Variants in EDA observed in about 807,000 individuals in gnomAD.
The protein encoded by EDA is ectodysplasin A.
A neutral mutation model predicts 23.6 loss-of-function variants in EDA; 2 were observed. The ratio of observed to expected loss-of-function variants is 0.08; its 90% CI spans 0.03 to 0.27. The LOEUF (loss-of-function observed/expected upper bound fraction) is 0.27. EDA is among the 10% of genes least tolerant of loss of function. EDA has a pLI of 1.00. For missense variants in EDA, 229 were observed against 324.2 expected, an observed-to-expected ratio of 0.71 and a Z score of 2.26; for synonymous variants, 131 against 132.0, an observed-to-expected ratio of 0.99 and a Z score of 0.05.
chrX:69,616,789 C>T (rs2147198739), intron 1 of EDA, 85 bp downstream of exon 1: 1 of 1,153,498 alleles, frequency 8.7e-7, no homozygotes, highest in East Asian at 3.0e-5. Flanking sequence ...TGGGAGCACT[C>T]AGCAACCTCG....
intron 1 of EDA, among the ~76,000 whole-genome samples, chrX:69,647,540 G>A (rs995628491): frequency 8.9e-6 from 1 of 111,900 alleles, no homozygotes; most frequent in African/African-American, 3.2e-5. Flanking sequence ...GCTCCATCAG[G>A]TTGGCTGTGT....
At chrX:69,700,279 C>T (rs1351636250) in intron 1 of EDA, among the ~76,000 whole-genome samples, 1 of 111,266 alleles carries the variant, frequency 9.0e-6, no homozygotes, top group Non-Finnish European at 1.9e-5. Flanking sequence ...TTTCTGAAAC[C>T]TTGAGGTAGT....
intron 1 of EDA, among the ~76,000 whole-genome samples, chrX:69,935,592 A>C (rs1462943267): frequency 8.9e-6 from 1 of 111,807 alleles, no homozygotes; most frequent in Non-Finnish European, 1.9e-5. Flanking sequence ...CTGTAATATC[A>C]TGAGTAAAGA....
chrX:69,698,860 T>C (rs762238999), intron 1 of EDA, among the ~76,000 whole-genome samples: 1 of 111,241 alleles, frequency 9.0e-6, no homozygotes, highest in East Asian at 2.9e-4. Flanking sequence ...TGGATGAGTG[T>C]TGGGAGTCCA....
In EDA at chrX:69,910,374, A is replaced by AGAGTGT. The variant is rs1191245556; in HGVS notation, c.397-46652_397-46651insAGTGTG. On this transcript the variant is annotated intron_variant, in intron 1 of 7. Transcript: ENST00000374552. ...AGGAGAGAGAGAGAGAGAGAGAGAG[A>AGAGTGT]GTGTGTGTGTGTGTGTGTGTGTGTG... Among the ~76,000 whole-genome samples the AGAGTGT allele has an allele frequency of 8.6e-4, 36 of 41,755 alleles. No homozygotes were observed. In the East Asian group the frequency reaches 0.02, roughly 23 times the overall value. The allele number at this position is 41,755 out of a possible 115,157, so 36.3% of individuals were successfully genotyped here.
At chrX:69,728,257 A>AAAG (rs11434162) in intron 1 of EDA, among the ~76,000 whole-genome samples, 2 of 109,145 alleles carry the variant, frequency 1.8e-5, no homozygotes, top group African/African-American at 3.3e-5. Context: ...AAAAAAAAAA[A>AAAG]TGAGTAATAG....
At chrX:69,957,489 A>AAC (rs1394940826) in intron 2 of EDA, 8 of 179,500 alleles carry the variant, frequency 4.5e-5, no homozygotes, top group African/African-American at 9.5e-5. Flanking sequence ...AAAAAAAAAA[A>AAC]AACAAAAAAA....
At chrX:69,983,537 G>A (rs1397192470) in intron 2 of EDA, among the ~76,000 whole-genome samples, 1 of 17,129 alleles carries the variant, frequency 5.8e-5, no homozygotes, top group African/African-American at 2.5e-4. Flanking sequence ...GGCTGGATAT[G>A]AAATTCTGGG....
intron 1 of EDA, among the ~76,000 whole-genome samples, chrX:69,703,781 G>A (rs1021189496): frequency 8.9e-6 from 1 of 111,760 alleles, no homozygotes; most frequent in Non-Finnish European, 1.9e-5. Context: ...GCCTGAGAAG[G>A]GAGGAGTTAT....
At chrX:69,863,767 T>C (rs2017439863) in intron 1 of EDA, among the ~76,000 whole-genome samples, 1 of 108,416 alleles carries the variant, frequency 9.2e-6, no homozygotes. Flanking sequence ...ATATATATTC[T>C]GTGCAAAGTG....
At chrX:69,967,182 T>G (rs1035532143) in intron 2 of EDA, among the ~76,000 whole-genome samples, 2 of 111,058 alleles carry the variant, frequency 1.8e-5, no homozygotes, top group African/African-American at 6.5e-5. Flanking sequence ...TAGAAAATAA[T>G]GGACGTGAGA....
chrX:70,035,243 TC>T (rs1440187671), intron 7 of EDA, 114 bp from the exon 8 acceptor site: 7 of 892,341 alleles, frequency 7.8e-6, no homozygotes, highest in Non-Finnish European at 1.1e-5. Context: ...CACTGCCCCA[TC>T]CATGGGGTAT....
At chrX:69,953,348 A>G (rs754874760) in intron 1 of EDA, among the ~76,000 whole-genome samples, 1 of 112,319 alleles carries the variant, frequency 8.9e-6, no homozygotes, top group Admixed American at 9.4e-5. Context: ...ACAATGAAAC[A>G]GTACTTCACA....
intron 1 of EDA, among the ~76,000 whole-genome samples, chrX:69,634,814 G>A (rs1932734431): frequency 8.9e-6 from 1 of 111,810 alleles, no homozygotes; most frequent in Non-Finnish European, 1.9e-5. Flanking sequence ...CAATGAGGGT[G>A]GTCCCGTAAG....
chrX:69,995,125 A>G (rs1293868472), intron 2 of EDA, among the ~76,000 whole-genome samples: 3 of 112,211 alleles, frequency 2.7e-5, no homozygotes, highest in East Asian at 2.8e-4. Flanking sequence ...CTGGAAAGCC[A>G]AAATCCCTGC....
chrX:69,983,771 G>A (rs1443519523), intron 2 of EDA, among the ~76,000 whole-genome samples: 42 of 94,248 alleles, frequency 4.5e-4, no homozygotes, highest in African/African-American at 1.0e-3. Context: ...TCTTTGTGGC[G>A]TTCTCTGTAT....
chrX:69,750,031 A>G (rs1211702088), intron 1 of EDA, among the ~76,000 whole-genome samples: 1 of 97,028 alleles, frequency 1.0e-5, no homozygotes, highest in Non-Finnish European at 2.0e-5. Context: ...TTTTTTTATG[A>G]TTATACTTTA....
intron 1 of EDA, among the ~76,000 whole-genome samples, chrX:69,932,094 C>G (rs1190930530): frequency 1.8e-5 from 2 of 111,722 alleles, no homozygotes; most frequent in East Asian, 5.6e-4. Flanking sequence ...GACAAAGTAT[C>G]TTGTGTGATG....
At chrX:69,736,774 C>CTTTTT (rs3047817) in intron 1 of EDA, among the ~76,000 whole-genome samples, 1 of 89,417 alleles carries the variant, frequency 1.1e-5, no homozygotes, top group Non-Finnish European at 2.1e-5. Context: ...CTTACTCCAA[C>CTTTTT]TTTTTTTTTT....
Sources: allele counts gnomAD v4.1 joint callset (sites outside exome capture counted in the v4.1 genomes callset), GRCh38; gene constraint gnomAD v4.1.1; transcripts MANE v1.5; gene names NCBI Gene and HGNC (gene_info 2026-07-23, HGNC 2026-07-21).